The following PRRC2C variants were observed in gnomAD, a reference collection of about 807,000 sequenced individuals.
PRRC2C encodes protein PRRC2C.
Under a neutral mutation model 317.2 loss-of-function variants are expected in PRRC2C, and 72 were observed. The observed-to-expected ratio is 0.23, with a 90% CI of 0.19 to 0.28. The LOEUF is 0.28. Among genes scored for constraint, PRRC2C ranks in the 10% least tolerant of loss-of-function variants. The pLI is 1.00. For synonymous variants in PRRC2C, 1,296 were observed against 1,205.9 expected, an observed-to-expected ratio of 1.07 and a Z score of -1.55; for missense variants, 3,074 against 3,459.7, an observed-to-expected ratio of 0.89 and a Z score of 2.80.
intron 17 of PRRC2C, among the ~76,000 whole-genome samples, chr1:171,549,520 ATTAC>A (rs996441441): frequency 1.3e-5 from 2 of 152,064 alleles, no homozygotes; most frequent in African/African-American, 4.8e-5. Flanking sequence ...TTACTTCTAT[ATTAC>A]TTAAGGAAAA....
Position 171,572,476 on chromosome 1 carries a change from CAT to C in PRRC2C, c.6753+1058_6753+1059del, listed in dbSNP as rs530563469. 9.6e-4 allele frequency among the ~76,000 whole-genome samples: 146 copies of C among 152,276 alleles called. 1 individual carries two copies. Among genetic ancestry groups the C allele is most frequent in the South Asian group, 3.3e-3 (16 of 4,826 alleles). Reference sequence around the variant, plus strand: ...GTGTGGCCAATATTCATTTTGGACTCATATTACTTTTGTCCCCTTATCTTTTC... The same window carrying C: ...GTGTGGCCAATATTCATTTTGGACTCATTACTTTTGTCCCCTTATCTTTTC... On this transcript the variant is annotated intron_variant, in intron 24 of 34. Coordinates refer to ENST00000647382, the MANE Select transcript of PRRC2C (RefSeq NM_001387844.1).
Position 171,532,715 on chromosome 1 carries a change from AAGG to A in PRRC2C, c.1630_1632del (p.Glu544del). On this transcript the variant is annotated inframe_deletion, in exon 12 of 35. Transcript: ENST00000647382. The stretch of plus-strand genomic sequence containing the variant: ...AAAAGACAGAGAGAGACAGCAGGAA[AAGG>A]AGAAAGAGCTGGAGAAGGAGCAGGA... 1 of 1,550,092 alleles carries A rather than the reference AAGG, an allele frequency of 6.5e-7. No individual in the cohort carries two copies. Among genetic ancestry groups the A allele is most frequent in the Non-Finnish European group, 8.7e-7 (1 of 1,146,824 alleles).
At position 171,542,055 on chromosome 1, in the gene PRRC2C, G is replaced by A; in HGVS notation, c.4589G>A (p.Gly1530Glu). The A allele has an allele frequency of 6.2e-7, 1 of 1,613,950 alleles. No homozygotes were observed. Among genetic ancestry groups the A allele is most frequent in the Non-Finnish European group, 8.5e-7 (1 of 1,179,884 alleles). ...AATGCACAAACAGTTGTAAAGGTTGGAGAGAATGTTCTACCTCCAAAGAGG... is the reference window on the plus strand; with the variant it reads ...AATGCACAAACAGTTGTAAAGGTTGAAGAGAATGTTCTACCTCCAAAGAGG... ...DLNAQTVVKV[G>E]ENVLPPKREI... Residue 1530 changes from glycine to glutamate, a missense_variant, in exon 16 of 35, where the codon GGA (glycine) becomes GAA (glutamate). Transcript: ENST00000647382.
intron 30 of PRRC2C, among the ~76,000 whole-genome samples, chr1:171,585,091 G>T (rs1358315803): frequency 2.7e-5 from 4 of 149,906 alleles, no homozygotes; most frequent in Non-Finnish European, 4.5e-5. Context: ...TTTGTTTTTT[G>T]TTTTTTTTTA....
chr1:171,578,617 C>T (rs751859386), intron 26 of PRRC2C, among the ~76,000 whole-genome samples: 18 of 152,162 alleles, frequency 1.2e-4, no homozygotes, highest in Non-Finnish European at 2.2e-4. Context: ...CCTGTAATCC[C>T]AGCACTTTGG....
chr1:171,513,631 T>C (rs138419608), intron 3 of PRRC2C, among the ~76,000 whole-genome samples: 2 of 152,334 alleles, frequency 1.3e-5, no homozygotes, highest in East Asian at 1.9e-4. Flanking sequence ...ATTAATAGTG[T>C]CCATCTTAGT....
Position 171,496,966 on chromosome 1 carries a change from T to C in PRRC2C, c.-58+11231T>C, listed in dbSNP as rs376000435. On this transcript the variant is annotated intron_variant, in intron 1 of 34. Coordinates refer to ENST00000647382, the MANE Select transcript of PRRC2C (RefSeq NM_001387844.1). ...GCATGTGCCACCACACCTGGCTATT[T>C]TTTTGGTAGAGACAAGGTCTCTCCA... Among the ~76,000 whole-genome samples, 51 of 152,156 alleles carry C rather than the reference T, an allele frequency of 3.4e-4. 2 individuals are homozygous for C. In the South Asian group the frequency reaches 0.01, roughly 31 times the overall value.
chr1:171,534,281 C>T (rs1258887035), intron 12 of PRRC2C, among the ~76,000 whole-genome samples: 73 of 151,946 alleles, frequency 4.8e-4, no homozygotes, highest in Admixed American at 4.7e-3. Flanking sequence ...GCTTATATTA[C>T]ATAAGTACTT....
intron 22 of PRRC2C, 72 bp from the exon 23 acceptor site, chr1:171,568,175 T>C (rs918181363): frequency 6.7e-7 from 1 of 1,482,580 alleles, no homozygotes; most frequent in African/African-American, 1.4e-5. Flanking sequence ...ATAGCGAGAC[T>C]CAAAAAAAAG....
At position 171,539,991 on chromosome 1, in the gene PRRC2C, A is replaced by G; in HGVS notation, c.2525A>G (p.Gln842Arg). ...CATAGGTCTGAAGCTGCGTTGGACC[A>G]GGAACAGATTACTGCTGCTTATTCT... ...EDVRSEAALD[Q>R]EQITAAYSVE... The change falls in exon 16 of 35, where the codon CAG becomes CGG. Residue 842 changes from glutamine (Q) to arginine (R), a missense_variant. By Grantham distance (43) the Gln-to-Arg change is conservative. Coordinates refer to ENST00000647382, the MANE Select transcript of PRRC2C (RefSeq NM_001387844.1). 1 of 1,611,748 alleles carries G rather than the reference A, an allele frequency of 6.2e-7. No homozygotes were observed. Among genetic ancestry groups the G allele is most frequent in the South Asian group, 1.1e-5 (1 of 90,724 alleles).
rs756120928 is a variant in PRRC2C at position 171,535,463 on chromosome 1, C to A, written c.1909C>A (p.Arg637Ser). Reference sequence around the variant, plus strand: ...CGTTTTCACTAGACAAGACAGCAATCGCAGTGAAAAGGAAGCCACACCAGT... The same window carrying A: ...CGTTTTCACTAGACAAGACAGCAATAGCAGTGAAAAGGAAGCCACACCAGT... Reference protein sequence around the residue: ...EPVFTRQDSNRSEKEATPVVH... With the variant: ...EPVFTRQDSNSSEKEATPVVH... Residue 637 changes from arginine to serine, a missense_variant, in exon 13 of 35, where the codon CGC becomes AGC. Arg to Ser is a moderately radical substitution (Grantham distance 110). Coordinates refer to ENST00000647382, the MANE Select transcript of PRRC2C (RefSeq NM_001387844.1). 6.2e-7 allele frequency: 1 copy of A among 1,613,656 alleles called. No homozygotes were observed. The highest frequency in any genetic ancestry group is 1.3e-5 in the African/African-American group (1 of 74,882).
rs1010727062 is a variant in PRRC2C at position 171,545,752 on chromosome 1, A to G, written c.4972+65A>G. 17 of 697,476 alleles carry G rather than the reference A, an allele frequency of 2.4e-5. No homozygotes were observed. In the African/African-American group the frequency reaches 3.1e-4, roughly 13 times the overall value. 43.2% of individuals were successfully genotyped at this position (697,476 alleles called of 1,614,324 possible). A position where few individuals can be genotyped will look rare whatever the true frequency, so the allele number is the denominator to read the frequency against. On this transcript the variant is annotated intron_variant, in intron 17 of 34. Transcript: ENST00000647382. ...TTATTTATTTATTTATTTATTTGCT[A>G]CATTTTAAAATGTAGATGCCACAAT... is the stretch of plus-strand genomic sequence containing the variant.
At chr1:171,571,654 T>C (rs532651872) in intron 24 of PRRC2C, among the ~76,000 whole-genome samples, 1 of 152,342 alleles carries the variant, frequency 6.6e-6, no homozygotes, top group East Asian at 1.9e-4. Flanking sequence ...GTGAATTTTG[T>C]CTTAAAAATA....
At chr1:171,561,440 A>G (rs1682693122) in intron 20 of PRRC2C, among the ~76,000 whole-genome samples, 2 of 152,198 alleles carry the variant, frequency 1.3e-5, no homozygotes, top group Admixed American at 1.3e-4. Flanking sequence ...GTGATAGAGC[A>G]AGACCCCACC....
At chr1:171,507,562 G>C (rs1670496813) in intron 1 of PRRC2C, among the ~76,000 whole-genome samples, 1 of 152,124 alleles carries the variant, frequency 6.6e-6, no homozygotes, top group Non-Finnish European at 1.5e-5. Flanking sequence ...AGTGAGCTGA[G>C]ATTGCATTAC....
chr1:171,497,148 A>G (rs1668275613), intron 1 of PRRC2C, among the ~76,000 whole-genome samples: 1 of 152,110 alleles, frequency 6.6e-6, no homozygotes, highest in Non-Finnish European at 1.5e-5. Context: ...TTTATCTTTG[A>G]TATCTTATTC....
intron 1 of PRRC2C, among the ~76,000 whole-genome samples, chr1:171,504,260 T>C (rs1387506742): frequency 6.6e-6 from 1 of 152,224 alleles, no homozygotes; most frequent in Non-Finnish European, 1.5e-5. Context: ...CCTTTAGTTC[T>C]CAACATTATC....
At chr1:171,507,181 G>T (rs566048485) in intron 1 of PRRC2C, among the ~76,000 whole-genome samples, 1 of 152,202 alleles carries the variant, frequency 6.6e-6, no homozygotes, top group South Asian at 2.1e-4. Flanking sequence ...GATCACTTGA[G>T]ACCAGCTTGG....
intron 21 of PRRC2C, 30 bp downstream of exon 21, chr1:171,566,451 T>G: frequency 6.6e-7 from 1 of 1,524,942 alleles, no homozygotes; most frequent in Non-Finnish European, 8.8e-7. Flanking sequence ...CAGATAAAAT[T>G]TTATGAAGGC....
Sources: allele counts gnomAD v4.1 joint callset (sites outside exome capture counted in the v4.1 genomes callset), GRCh38; gene constraint gnomAD v4.1.1; transcripts MANE v1.5; gene names NCBI Gene and HGNC (gene_info 2026-07-23, HGNC 2026-07-21).